The following RBFOX1 variants were observed in gnomAD, a reference collection of about 807,000 sequenced individuals.
RBFOX1 encodes RNA binding fox-1 homolog 1, also known as RNA binding protein fox-1 homolog 1.
In RBFOX1, 8 loss-of-function variants were observed where a neutral mutation model predicts 57.7. That is an observed-to-expected ratio of 0.14 (90% confidence interval 0.08 to 0.25). RBFOX1 has a LOEUF of 0.25. Ranked by LOEUF, RBFOX1 falls within the 10% of genes least tolerant of loss-of-function variation. The pLI, the probability that RBFOX1 is intolerant of heterozygous loss-of-function variation, is 1.00. For synonymous variants in RBFOX1, 326 were observed against 222.4 expected, an observed-to-expected ratio of 1.47 and a Z score of -4.15; for missense variants, 611 against 548.5, an observed-to-expected ratio of 1.11 and a Z score of -1.14.
intron 1 of RBFOX1, among the ~76,000 whole-genome samples, chr16:6,234,831 A>G (rs936226768): frequency 6.6e-6 from 1 of 152,130 alleles, no homozygotes; most frequent in African/African-American, 2.4e-5. Flanking sequence ...ACACACACAC[A>G]CACAGGCACA....
intron 2 of RBFOX1, among the ~76,000 whole-genome samples, chr16:6,552,053 C>T (rs2097000487): frequency 1.3e-5 from 2 of 152,194 alleles, no homozygotes; most frequent in South Asian, 2.1e-4. Context: ...ATGCCTCCCA[C>T]CTTTGCTTGG....
At chr16:6,887,460 C>G (rs1434006285) in intron 3 of RBFOX1, among the ~76,000 whole-genome samples, 1 of 152,152 alleles carries the variant, frequency 6.6e-6, no homozygotes, top group African/African-American at 2.4e-5. Context: ...ATTTTCTAAA[C>G]TTCGCATCAT....
chr16:6,988,747 GTTTGTTT>G lies in RBFOX1; in HGVS notation c.-15-63279_-15-63273del, dbSNP rs201767835. On this transcript the variant is annotated intron_variant, in intron 3 of 15. Transcript: ENST00000550418. ...ACCCAGCTAATTTTTTTTTTTGTTT[GTTTGTTT>G]TTTGTTTTTTGTTTTTTGTTTTTTG... Among the ~76,000 whole-genome samples the G allele has an allele frequency of 8.8e-3, 894 of 101,432 alleles. 19 individuals are homozygous for G. In the East Asian group the frequency reaches 0.096, roughly 11 times the overall value. 66.5% of individuals were successfully genotyped at this position (101,432 alleles called of 152,430 possible).
chr16:6,835,673 G>A (rs994056769), intron 3 of RBFOX1, among the ~76,000 whole-genome samples: 1 of 142,754 alleles, frequency 7.0e-6, no homozygotes, highest in African/African-American at 2.6e-5. Flanking sequence ...AGAATAGCTT[G>A]AACCTCAGAG....
chr16:5,900,549 C>G (rs994766629), intron 4 of RBFOX1, among the ~76,000 whole-genome samples: 1 of 152,166 alleles, frequency 6.6e-6, no homozygotes, highest in African/African-American at 2.4e-5. Flanking sequence ...TTTGTCTGGA[C>G]CCGTTCATCG....
chr16:6,145,229 C>G (rs1027302322), intron 1 of RBFOX1, among the ~76,000 whole-genome samples: 1 of 152,066 alleles, frequency 6.6e-6, no homozygotes, highest in East Asian at 1.9e-4. Context: ...TTGTTCCCCT[C>G]TATGTGTCCA....
At chr16:7,542,702 A>G (rs1454550549) in intron 5 of RBFOX1, among the ~76,000 whole-genome samples, 3 of 22,328 alleles carry the variant, frequency 1.3e-4, no homozygotes, top group African/African-American at 2.4e-4. Context: ...TAAAAATGAA[A>G]AAAAAAAAAA....
chr16:6,208,567 C>T (rs1767566900), intron 1 of RBFOX1, among the ~76,000 whole-genome samples: 1 of 152,174 alleles, frequency 6.6e-6, no homozygotes. Flanking sequence ...CTTTATCTTA[C>T]AAAGTGCCTG....
At chr16:5,513,391 C>G (rs920472698) in intron 2 of RBFOX1, among the ~76,000 whole-genome samples, 1 of 152,250 alleles carries the variant, frequency 6.6e-6, no homozygotes, top group Non-Finnish European at 1.5e-5. Flanking sequence ...TCGAGGGTGC[C>G]AACTACCGAC....
chr16:7,551,215 G>A (rs1040002691), intron 5 of RBFOX1, among the ~76,000 whole-genome samples: 5 of 151,996 alleles, frequency 3.3e-5, no homozygotes, highest in African/African-American at 9.7e-5. Flanking sequence ...CTCAGAAATT[G>A]CCACTAAAGA....
chr16:7,362,912 A>G (rs867041558), intron 4 of RBFOX1, among the ~76,000 whole-genome samples: 1 of 152,098 alleles, frequency 6.6e-6, no homozygotes, highest in African/African-American at 2.4e-5. Context: ...GTCATTTCCT[A>G]ACTCAGCTCT....
intron 2 of RBFOX1, among the ~76,000 whole-genome samples, chr16:6,398,760 G>T (rs2092944253): frequency 6.6e-6 from 1 of 152,214 alleles, no homozygotes; most frequent in Non-Finnish European, 1.5e-5. Context: ...CTGGCATTGA[G>T]TGTCTGCAGC....
intron 3 of RBFOX1, among the ~76,000 whole-genome samples, chr16:6,912,103 C>G (rs577476654): frequency 1.3e-5 from 2 of 152,284 alleles, no homozygotes; most frequent in East Asian, 3.9e-4. Context: ...TTAGCTCTAT[C>G]ATTTATACTT....
At chr16:7,421,007 G>A (rs1028338950) in intron 4 of RBFOX1, among the ~76,000 whole-genome samples, 3 of 150,834 alleles carry the variant, frequency 2.0e-5, no homozygotes, top group African/African-American at 4.9e-5. Context: ...CTGTACAGAC[G>A]TGGGAGGCGA....
intron 1 of RBFOX1, among the ~76,000 whole-genome samples, chr16:5,377,423 G>C (rs916963280): frequency 6.6e-6 from 1 of 151,322 alleles, no homozygotes; most frequent in Non-Finnish European, 1.5e-5. Context: ...AGGGAAAAGT[G>C]TTTGAGCAGA....
chr16:7,107,076 A>C (rs575865724), intron 4 of RBFOX1, among the ~76,000 whole-genome samples: 59 of 152,186 alleles, frequency 3.9e-4, no homozygotes, highest in African/African-American at 1.1e-3. Flanking sequence ...TTCTATAAGG[A>C]ACTGATATTT....
At chr16:7,022,008 CCCCTT>C (rs1165435192) in intron 3 of RBFOX1, among the ~76,000 whole-genome samples, 3 of 12,992 alleles carry the variant, frequency 2.3e-4, no homozygotes, top group Admixed American at 7.1e-4. Flanking sequence ...CCCTCTCCCT[CCCCTT>C]CCCTTCCCCC....
chr16:5,568,187 C>T (rs2046140546), intron 2 of RBFOX1, among the ~76,000 whole-genome samples: 1 of 152,192 alleles, frequency 6.6e-6, no homozygotes, highest in Non-Finnish European at 1.5e-5. Flanking sequence ...CCTCTCCTTC[C>T]TCGAATCCCC....
chr16:6,189,592 G>A (rs1187047822), intron 1 of RBFOX1, among the ~76,000 whole-genome samples: 1 of 152,118 alleles, frequency 6.6e-6, no homozygotes, highest in Non-Finnish European at 1.5e-5. Context: ...TCGTTGTTGG[G>A]GGCATTTTAA....
Sources: gnomAD v4.1 joint callset for allele counts (sites outside exome capture counted in the v4.1 genomes callset) on GRCh38, gnomAD v4.1.1 for gene constraint, MANE v1.5 for transcripts, NCBI Gene and HGNC (gene_info 2026-07-23, HGNC 2026-07-21) for gene names.